The following ABCC2 variants were observed in gnomAD, a reference collection of about 807,000 sequenced individuals.
ABCC2 encodes ATP binding cassette subfamily C member 2, also known as ATP-binding cassette sub-family C member 2.
In ABCC2, 157 loss-of-function variants were observed where a neutral mutation model predicts 173.4. The observed-to-expected ratio is 0.91, with a 90% confidence interval of 0.80 to 1.03. ABCC2 has a LOEUF of 1.03. ABCC2 is among the 50% of genes least tolerant of loss of function. The pLI, the probability that ABCC2 is intolerant of heterozygous loss-of-function variation, is 0.00. For missense variants in ABCC2, 1,822 were observed against 1,852.3 expected (o/e 0.98, Z 0.30); for synonymous variants, 657 against 693.5 (o/e 0.95, Z 0.83).
rs2038988055 is a variant in ABCC2, at chr10:99,844,426, C to T, written c.3948C>T (p.Val1316=). 2 of 1,614,150 alleles carry T rather than the reference C, an allele frequency of 1.2e-6. No individual in the cohort carries two copies. The highest frequency in any genetic ancestry group is 8.5e-7 in the Non-Finnish European group (1 of 1,180,046). The change falls in exon 28 of 32, where the codon GTC becomes GTT. Residue 1316 remains valine, a synonymous_variant. Coordinates refer to ENST00000647814, the MANE Select transcript of ABCC2 (RefSeq NM_000392.5). ...QVRYRPELDL[V]LRGITCDIGS... is the part of the protein sequence containing the mutation. ...GGTACCGACCTGAGCTGGATCTGGTCCTCAGAGGGATCACTTGTGACATCG... is the reference window on the plus strand; with the variant it reads ...GGTACCGACCTGAGCTGGATCTGGTTCTCAGAGGGATCACTTGTGACATCG...
intron 27 of ABCC2, among the ~76,000 whole-genome samples, 200 bp downstream of exon 27, chr10:99,844,100 C>A (rs972758585): frequency 6.6e-6 from 1 of 152,158 alleles, no homozygotes; most frequent in African/African-American, 2.4e-5. Flanking sequence ...TTGCAACATA[C>A]CGAGGAGATC....
chr10:99,782,881 A>G lies in ABCC2; in HGVS notation c.33+4A>G. The G allele has an allele frequency of 6.2e-7, 1 of 1,613,998 alleles. No individual in the cohort carries two copies. The highest frequency in any genetic ancestry group is 8.5e-7 in the Non-Finnish European group (1 of 1,179,966). On this transcript the variant is annotated splice_donor_region_variant and intron_variant, in intron 1 of 31. Coordinates refer to ENST00000647814, the MANE Select transcript of ABCC2 (RefSeq NM_000392.5). ...GTTCTGCAACTCTACTTTTTGGGTG[A>G]GAAATTACATTTATCTTCATATTGA...
intron 25 of ABCC2, 148 bp from the exon 26 acceptor site, chr10:99,841,819 T>G: frequency 2.1e-6 from 2 of 958,222 alleles, no homozygotes; most frequent in Non-Finnish European, 3.3e-6. Context: ...TAGGAATACA[T>G]GGTGTTTCTA....
At chr10:99,841,556 T>C (rs1454858843) in intron 25 of ABCC2, among the ~76,000 whole-genome samples, 1 of 151,750 alleles carries the variant, frequency 6.6e-6, no homozygotes, top group African/African-American at 2.4e-5. Context: ...CCTTGTCTCA[T>C]AAAACAAAAA....
intron 25 of ABCC2, among the ~76,000 whole-genome samples, chr10:99,839,366 T>G (rs1302913975): frequency 7.6e-5 from 3 of 39,262 alleles, no homozygotes; most frequent in African/African-American, 9.3e-5. Flanking sequence ...GCGGGGGGGC[T>G]GACCCCCCCC....
chr10:99,802,033 T>C (rs2038023611), intron 9 of ABCC2, among the ~76,000 whole-genome samples: 1 of 152,248 alleles, frequency 6.6e-6, no homozygotes, highest in Non-Finnish European at 1.5e-5. Flanking sequence ...TTACAAGTTA[T>C]GAGGTCACTA....
chr10:99,807,408 C>A lies in ABCC2; in HGVS notation c.1555C>A (p.Pro519Thr), dbSNP rs777739639. ...GATCCTGAAATATTTTGCCTGGGAA[C>A]CTTCATTCAGAGACCAAGTACAAAA... ...IKILKYFAWE[P>T]SFRDQVQNLR... Residue 519 changes from proline to threonine, a missense_variant, in exon 12 of 32, where the codon CCT (proline) becomes ACT (threonine). Transcript: ENST00000647814. 1.9e-6 allele frequency: 3 copies of A among 1,613,924 alleles called. No individual in the cohort carries two copies. The highest frequency in any genetic ancestry group is 1.7e-5 in the Admixed American group (1 of 59,982).
Position 99,836,096 on chromosome 10 carries a change from T to G in ABCC2, c.3420T>G (p.Phe1140Leu). 6.2e-7 allele frequency: 1 copy of G among 1,613,420 alleles called. No homozygotes were observed. The highest frequency in any genetic ancestry group is 2.2e-5 in the East Asian group (1 of 44,892). ...LGIIYVSVQM[F>L]YVSTSRQLRR... ...TCTTTACTTTTTGTGTCCAGATGTT[T>G]TATGTGTCTACCTCCCGCCAGCTGA... Residue 1140 changes from phenylalanine to leucine, a missense_variant, in exon 25 of 32, where the codon TTT becomes TTG. Coordinates refer to ENST00000647814, the MANE Select transcript of ABCC2 (RefSeq NM_000392.5).
In ABCC2 at chr10:99,814,628, CATATGTGTATAT is replaced by C. The variant is rs1564685662; in HGVS notation, c.2094+1486_2094+1497del. Among the ~76,000 whole-genome samples, 265 of 84,392 alleles carry C rather than the reference CATATGTGTATAT, an allele frequency of 3.1e-3. 9 individuals are homozygous for C. The highest frequency in any genetic ancestry group is 5.5e-3 in the African/African-American group (98 of 17,860). The allele number at this position is 84,392 out of a possible 152,430, so 55.4% of individuals were successfully genotyped here. A position where few individuals can be genotyped will look rare whatever the true frequency, so the allele number is the denominator to read the frequency against. On this transcript the variant is annotated intron_variant, in intron 16 of 31. Coordinates refer to ENST00000647814, the MANE Select transcript of ABCC2 (RefSeq NM_000392.5). ...ATATGTGTATATACACATATACACA[CATATGTGTATAT>C]ACACATATACACACACATATGTGTA...
chr10:99,840,841 A>G (rs950659938), intron 25 of ABCC2, among the ~76,000 whole-genome samples: 7 of 151,534 alleles, frequency 4.6e-5, no homozygotes, highest in African/African-American at 9.7e-5. Flanking sequence ...TTCCTCCTCC[A>G]TCTCTGGTCC....
chr10:99,795,801 A>AAGATAGAG (rs1554847627), intron 6 of ABCC2, among the ~76,000 whole-genome samples: 14,788 of 102,160 alleles, frequency 0.14, 1,673 homozygotes, highest in African/African-American at 0.16. Flanking sequence ...GAAAGAAAGA[A>AAGATAGAG]AGATTTCTAA....
rs374935388 is a variant in ABCC2 at position 99,832,139 on chromosome 10, T to G, written c.3258+8T>G. 6.2e-7 allele frequency: 1 copy of G among 1,614,056 alleles called. No individual in the cohort carries two copies. The highest frequency in any genetic ancestry group is 1.3e-5 in the African/African-American group (1 of 74,906). On this transcript the variant is annotated splice_region_variant and intron_variant, in intron 23 of 31. Coordinates refer to ENST00000647814, the MANE Select transcript of ABCC2 (RefSeq NM_000392.5). ...GTGAACAGGTTTGCCGGCGTAAGTA[T>G]CTCAAGAACTGTCAGGTGGTGTGTT...
intron 16 of ABCC2, among the ~76,000 whole-genome samples, chr10:99,814,029 T>C (rs901901078): frequency 6.6e-6 from 1 of 151,288 alleles, no homozygotes; most frequent in Non-Finnish European, 1.5e-5. Context: ...AAAATAAAAA[T>C]CTGGTGTAGG....
Position 99,793,882 on chromosome 10 carries a change from T to C in ABCC2, c.469-10T>C. 1 of 1,610,128 alleles carries C rather than the reference T, an allele frequency of 6.2e-7. No individual in the cohort carries two copies. Among genetic ancestry groups the C allele is most frequent in the Non-Finnish European group, 8.5e-7 (1 of 1,176,420 alleles). ...AGGCTCATTTTTCCTCTTTGTTTTT[T>C]TCCTCATAGGGTGACAATTCTAATC... On this transcript the variant is annotated splice_polypyrimidine_tract_variant and intron_variant, in intron 4 of 31. Transcript: ENST00000647814.
Position 99,830,555 on chromosome 10 carries a change from G to A in ABCC2, c.2747+122G>A. On this transcript the variant is annotated intron_variant, in intron 20 of 31. Transcript: ENST00000647814. Reference sequence around the variant, plus strand: ...CATGGACACTCCAAGCTCTTCCTTTGTTTCTTTGTTGTGGGGATGGGGAAA... The same window carrying A: ...CATGGACACTCCAAGCTCTTCCTTTATTTCTTTGTTGTGGGGATGGGGAAA... 3.2e-6 allele frequency: 5 copies of A among 1,570,040 alleles called. No individual in the cohort carries two copies. The East Asian group carries it at 6.7e-5, about 21-fold the overall frequency.
intron 7 of ABCC2, 21 bp downstream of exon 7, chr10:99,797,352 T>C: frequency 6.3e-7 from 1 of 1,597,842 alleles, no homozygotes; most frequent in Non-Finnish European, 8.5e-7. Context: ...CTTGAGTGTC[T>C]GTGTGAGCGC....
intron 25 of ABCC2, among the ~76,000 whole-genome samples, chr10:99,841,195 G>A (rs139641475): frequency 9.9e-5 from 15 of 152,168 alleles, no homozygotes; most frequent in African/African-American, 3.6e-4. Context: ...TCTTACACAT[G>A]GATTCACTAT....
chr10:99,850,976 G>A (rs1053353556), intron 31 of ABCC2, among the ~76,000 whole-genome samples, 180 bp downstream of exon 31: 22 of 152,194 alleles, frequency 1.4e-4, no homozygotes, highest in Admixed American at 1.2e-3. Context: ...AAATGAAAAC[G>A]AACAAGGTTA....
intron 11 of ABCC2, among the ~76,000 whole-genome samples, chr10:99,806,075 G>GTCTCTCTGTCTC (rs796678291): frequency 0.014 from 1,557 of 107,946 alleles, 27 homozygotes; most frequent in African/African-American, 0.047. Flanking sequence ...CTCTCTCTCT[G>GTCTCTCTGTCTC]TCTGTGTGTG....
Sources: gnomAD v4.1 joint callset for allele counts (sites outside exome capture counted in the v4.1 genomes callset) on GRCh38, gnomAD v4.1.1 for gene constraint, MANE v1.5 for transcripts, NCBI Gene and HGNC (gene_info 2026-07-23, HGNC 2026-07-21) for gene names.